TMEM94: variants seen among roughly 807,000 people sequenced by gnomAD.
TMEM94 encodes the protein transmembrane protein 94.
In TMEM94, 81 loss-of-function variants were observed where a neutral mutation model predicts 158.6. The ratio of observed to expected loss-of-function variants is 0.51; its 90% CI spans 0.43 to 0.61. The LOEUF (loss-of-function observed/expected upper bound fraction) is 0.61, where lower values mean the gene tolerates loss of function less well. Ranked by LOEUF, TMEM94 falls within the 20% of genes least tolerant of loss-of-function variation. The pLI is 0.00. For missense variants in TMEM94, 1,435 were observed against 1,762.0 expected, an observed-to-expected ratio of 0.81 and a Z score of 3.32; for synonymous variants, 751 against 730.7, an observed-to-expected ratio of 1.03 and a Z score of -0.45.
At position 75,473,426 on chromosome 17, in the gene TMEM94, G is replaced by C. The variant is rs546321936; in HGVS notation, c.24+1497G>C. Among the ~76,000 whole-genome samples the C allele has an allele frequency of 7.9e-5, 12 of 152,302 alleles. No individual in the cohort carries two copies. The East Asian group carries it at 1.2e-3, about 15-fold the overall frequency. ...AGTTCCAAGGAGTATGTCCCCAGAGGCTCTGCTGTTATGCAATGCGGTGGC... is the reference window on the plus strand; with the variant it reads ...AGTTCCAAGGAGTATGTCCCCAGAGCCTCTGCTGTTATGCAATGCGGTGGC... On this transcript the variant is annotated intron_variant, in intron 2 of 31. Transcript: ENST00000314256.
intron 2 of TMEM94, among the ~76,000 whole-genome samples, chr17:75,482,209 G>A (rs1043357427): frequency 5.3e-5 from 8 of 152,258 alleles, no homozygotes; most frequent in Admixed American, 4.6e-4. Context: ...AGCCGGGCGT[G>A]GCAGCATGTG....
chr17:75,457,125 C>T (rs960011907), intron 1 of TMEM94, among the ~76,000 whole-genome samples: 2 of 152,196 alleles, frequency 1.3e-5, no homozygotes, highest in Non-Finnish European at 2.9e-5. Context: ...TGGGAGTCCT[C>T]ATCCCCGACC....
chr17:75,492,519 G>A lies in TMEM94; in HGVS notation c.1642G>A (p.Val548Met). The change falls in exon 15 of 32, where the codon GTG becomes ATG. Residue 548 changes from valine (V) to methionine (M), a missense_variant. By Grantham distance (21) the Val-to-Met change is conservative. This residue lies in a region of TMEM94 where 1,051 missense variants were observed against 1,254.4 expected (regional missense o/e 0.84). Transcript: ENST00000314256. The surrounding 1 kb of genome is among the most constrained non-coding windows in gnomAD (Gnocchi z 4.4). ...CGACCCCTACGAAGCAGAGGACTTTGTGTGTGACTACCACCTGGAGATGCT... is the reference window on the plus strand; with the variant it reads ...CGACCCCTACGAAGCAGAGGACTTTATGTGTGACTACCACCTGGAGATGCT... ...ESDPYEAEDF[V>M]CDYHLEMLSL... 2 of 1,612,356 alleles carry A rather than the reference G, an allele frequency of 1.2e-6. No individual in the cohort carries two copies. The highest frequency in any genetic ancestry group is 1.7e-6 in the Non-Finnish European group (2 of 1,178,928).
intron 1 of TMEM94, among the ~76,000 whole-genome samples, chr17:75,467,689 C>T (rs1290822437): frequency 8.6e-5 from 13 of 151,252 alleles, no homozygotes; most frequent in South Asian, 2.1e-4. Context: ...CCCGCCACCG[C>T]GCCCGGCTAA....
Position 75,499,643 on chromosome 17 carries a change from T to C in TMEM94, c.*309T>C. The C allele has an allele frequency of 2.8e-6, 1 of 355,386 alleles. No individual in the cohort carries two copies. Among genetic ancestry groups the C allele is most frequent in the Non-Finnish European group, 5.2e-6 (1 of 193,384 alleles). 22.0% of individuals were successfully genotyped at this position (355,386 alleles called of 1,614,324 possible). A position where few individuals can be genotyped will look rare whatever the true frequency, so the allele number is the denominator to read the frequency against. On this transcript the variant is annotated 3_prime_UTR_variant, in exon 32 of 32. Transcript: ENST00000314256. ...CCCCCTCACCTGTGAGCTACCCCCT[T>C]TAGGGATCCCTTGCCCCCTTGGAGA...
chr17:75,470,976 C>T (rs1189697401), intron 1 of TMEM94, among the ~76,000 whole-genome samples: 3 of 150,878 alleles, frequency 2.0e-5, no homozygotes, highest in Non-Finnish European at 4.4e-5. Context: ...CGGTGGCTCA[C>T]GCCTGTAATC....
chr17:75,489,400 G>A lies in TMEM94; in HGVS notation c.867+32G>A. On this transcript the variant is annotated intron_variant, in intron 8 of 31. Transcript: ENST00000314256. This position sits in a 1 kb window ranked among gnomAD's most constrained non-coding sequence, Gnocchi z 5.0. Reference sequence around the variant, plus strand: ...GTGGCGGGGCTGTGCGGGGCTGCATGGGGCAGAGGAGAGGGCTGGACACGG... The same window carrying A: ...GTGGCGGGGCTGTGCGGGGCTGCATAGGGCAGAGGAGAGGGCTGGACACGG... 1 of 1,601,702 alleles carries A rather than the reference G, an allele frequency of 6.2e-7. No homozygotes were observed. Among genetic ancestry groups the A allele is most frequent in the Non-Finnish European group, 8.6e-7 (1 of 1,168,748 alleles).
rs1350393762 is a variant in TMEM94, at chr17:75,489,959, G to A, written c.955-275G>A. 95 of 566,554 alleles carry A rather than the reference G, an allele frequency of 1.7e-4. No homozygotes were observed. The East Asian group carries it at 2.7e-3, about 16-fold the overall frequency. 35.1% of individuals were successfully genotyped at this position (566,554 alleles called of 1,614,324 possible). Reference sequence around the variant, plus strand: ...CTGGGCGTGGTGGCACGTGCCTGTGGTCCCAGCCATTCAGGTGGCTGAGGT... The same window carrying A: ...CTGGGCGTGGTGGCACGTGCCTGTGATCCCAGCCATTCAGGTGGCTGAGGT... On this transcript the variant is annotated intron_variant, in intron 9 of 31. Coordinates refer to ENST00000314256, the MANE Select transcript of TMEM94 (RefSeq NM_014738.6). This position sits in a 1 kb window ranked among gnomAD's most constrained non-coding sequence, Gnocchi z 5.0.
chr17:75,485,452 C>A lies in TMEM94; in HGVS notation c.49C>A (p.Leu17Met). Residue 17 changes from leucine (L) to methionine (M), a missense_variant, in exon 3 of 32, where the codon CTG becomes ATG. Leu to Met is a conservative substitution (Grantham distance 15, BLOSUM62 2). Transcript: ENST00000314256. The surrounding 1 kb of genome is among the most constrained non-coding windows in gnomAD (Gnocchi z 5.5). ...HLGEPPSALG[L>M]STRKALSVLK... ...GGGCGAGCCTCCCTCAGCCCTGGGC[C>A]TGTCCACGCGGAAGGCCCTCAGCGT... 1 of 1,614,156 alleles carries A rather than the reference C, an allele frequency of 6.2e-7. No homozygotes were observed. The highest frequency in any genetic ancestry group is 8.5e-7 in the Non-Finnish European group (1 of 1,179,998).
At chr17:75,470,562 G>A (rs528789602) in intron 1 of TMEM94, among the ~76,000 whole-genome samples, 53 of 152,130 alleles carry the variant, frequency 3.5e-4, no homozygotes, top group South Asian at 8.3e-4. Context: ...AAAATTAGCC[G>A]GGCGTGGTGG....
intron 1 of TMEM94, among the ~76,000 whole-genome samples, chr17:75,470,189 A>G (rs1354231148): frequency 6.6e-6 from 1 of 152,230 alleles, no homozygotes; most frequent in Non-Finnish European, 1.5e-5. Context: ...GAGGCTGGGC[A>G]CAGTGATTCA....
rs9302993 is a variant in TMEM94 at position 75,465,655 on chromosome 17, T to TATATATATATATAA, written c.-106-6145_-106-6144insATATATATATATAA. On this transcript the variant is annotated intron_variant, in intron 1 of 31. Transcript: ENST00000314256. ...TCTTGTTACTGAGCTATAAGAATTT[T>TATATATATATATAA]TATATATATATATATATATATATAT... Among the ~76,000 whole-genome samples, 19 of 98,872 alleles carry TATATATATATATAA rather than the reference T, an allele frequency of 1.9e-4. 2 individuals carry two copies. The highest frequency in any genetic ancestry group is 1.0e-3 in the African/African-American group (19 of 18,820). The allele number at this position is 98,872 out of a possible 152,430, so 64.9% of individuals were successfully genotyped here. A position where few individuals can be genotyped will look rare whatever the true frequency, so the allele number is the denominator to read the frequency against.
chr17:75,499,104 T>A, intron 31 of TMEM94, 22 bp downstream of exon 31: 1 of 1,574,164 alleles, frequency 6.4e-7, no homozygotes, highest in Non-Finnish European at 8.6e-7. Context: ...GCAGGGCGCC[T>A]CCCTCTGGGC....
rs748943433 is a variant in TMEM94, at chr17:75,491,701, G to A, written c.1397G>A (p.Arg466Gln). 22 of 1,613,914 alleles carry A rather than the reference G, an allele frequency of 1.4e-5. No individual in the cohort carries two copies. The highest frequency in any genetic ancestry group is 8.0e-5 in the African/African-American group (6 of 74,936). Residue 466 changes from arginine (R) to glutamine (Q), a missense_variant, in exon 14 of 32, where the codon CGA becomes CAA. This residue lies in a region of TMEM94 where 1,051 missense variants were observed against 1,254.4 expected (regional missense o/e 0.84). Transcript: ENST00000314256. This position sits in a 1 kb window ranked among gnomAD's most constrained non-coding sequence, Gnocchi z 5.1. ...CCTCATTCTCTTCAGCCCCATGAAC[G>A]AGACGCCCTCCTGGCTGGCTCCCTG... is the stretch of plus-strand genomic sequence containing the variant. ...RSFCHPEPHERDALLAGSLNN... is the reference protein window; with the variant it reads ...RSFCHPEPHEQDALLAGSLNN...
In TMEM94 at chr17:75,485,904, A is replaced by T; in HGVS notation, c.178A>T (p.Asn60Tyr). The change falls in exon 4 of 32, where the codon AAC (asparagine) becomes TAC (tyrosine). Residue 60 changes from asparagine to tyrosine, a missense_variant. Transcript: ENST00000314256. The surrounding 1 kb of genome is among the most constrained non-coding windows in gnomAD (Gnocchi z 5.5). ...GAGAAGCAGCTTCCTCCACCACAGT[A>T]ACCGCTGCTCCTGCTTCCACTGGCC... is the stretch of plus-strand genomic sequence containing the variant. ...VWRSSFLHHS[N>Y]RCSCFHWPGA... The T allele has an allele frequency of 6.2e-7, 1 of 1,612,488 alleles. No homozygotes were observed. Among genetic ancestry groups the T allele is most frequent in the Non-Finnish European group, 8.5e-7 (1 of 1,178,912 alleles).
chr17:75,498,290 A>C lies in TMEM94; in HGVS notation c.3605A>C (p.Asn1202Thr). ...QSFCDSSRDR[N>T]LTNCSSVMLP... ...TTCTGTGACAGCTCCCGGGACCGCA[A>C]CCTCACCAACTGCTCCTCCGTCATG... The change falls in exon 28 of 32, where the codon AAC becomes ACC. Residue 1202 changes from asparagine to threonine, a missense_variant. By Grantham distance (65) the Asn-to-Thr change is moderately conservative (BLOSUM62 0). Around this residue, in one of 3 missense-constraint regions of TMEM94, gnomAD observed 335 missense variants for 409.1 expected, o/e 0.82. Coordinates refer to ENST00000314256, the MANE Select transcript of TMEM94 (RefSeq NM_014738.6). The surrounding 1 kb of genome is among the most constrained non-coding windows in gnomAD (Gnocchi z 6.7). 1 of 1,613,164 alleles carries C rather than the reference A, an allele frequency of 6.2e-7. No individual in the cohort carries two copies. Among genetic ancestry groups the C allele is most frequent in the African/African-American group, 1.3e-5 (1 of 74,978 alleles).
chr17:75,489,273 C>G lies in TMEM94; in HGVS notation c.772C>G (p.Leu258Val), dbSNP rs1567950560. The G allele has an allele frequency of 6.2e-7, 1 of 1,614,182 alleles. No individual in the cohort carries two copies. ...TPVIDNIRWC[L>V]DMALSRPVTA... ...AGTCACTTCTTTCTGCAGATGGTGC[C>G]TGGACATGGCCCTGTCCCGACCAGT... is the stretch of plus-strand genomic sequence containing the variant. The change falls in exon 8 of 32, where the codon CTG (leucine) becomes GTG (valine). Residue 258 changes from leucine to valine, a missense_variant. Physicochemically the swap from Leu to Val is conservative, Grantham distance 32 (BLOSUM62 1). Transcript: ENST00000314256. The surrounding 1 kb of genome is among the most constrained non-coding windows in gnomAD (Gnocchi z 5.0).
Position 75,496,085 on chromosome 17 carries a change from G to T in TMEM94, c.3053+11G>T. ...CCAGAGCGACATCAGGTCAGGGCGG[G>T]ACCCTGGAGCCTGCGGGCCAGCCTC... On this transcript the variant is annotated intron_variant, in intron 23 of 31. Coordinates refer to ENST00000314256, the MANE Select transcript of TMEM94 (RefSeq NM_014738.6). 1 of 1,600,840 alleles carries T rather than the reference G, an allele frequency of 6.2e-7. No individual in the cohort carries two copies. The highest frequency in any genetic ancestry group is 2.3e-5 in the East Asian group (1 of 44,204).
At chr17:75,496,916 T>C (rs1206648712) in intron 25 of TMEM94, 109 bp downstream of exon 25, 3 of 1,261,692 alleles carry the variant, frequency 2.4e-6, no homozygotes, top group Non-Finnish European at 3.4e-6. Context: ...AGTCAAGGGG[T>C]CCCCCCAGAG....
Sources: gnomAD v4.1 joint callset for allele counts (sites outside exome capture counted in the v4.1 genomes callset) on GRCh38, gnomAD v4.1.1 for gene constraint, gnomAD v4.1.1 regional missense constraint, Gnocchi (gnomAD v3.1) non-coding constraint, MANE v1.5 for transcripts, NCBI Gene and HGNC (gene_info 2026-07-23, HGNC 2026-07-21) for gene names.